Variants in KAZN observed in about 807,000 individuals in gnomAD.
KAZN encodes kazrin, periplakin interacting protein.
Under a neutral mutation model 87.4 loss-of-function variants are expected in KAZN, and 40 were observed. The ratio of observed to expected loss-of-function variants is 0.46; its 90% CI spans 0.36 to 0.60. The LOEUF (loss-of-function observed/expected upper bound fraction) is 0.60. Among genes scored for constraint, KAZN ranks in the 20% least tolerant of loss-of-function variants. KAZN has a pLI of 0.00. For synonymous variants in KAZN, 466 were observed against 458.3 expected, an observed-to-expected ratio of 1.02 and a Z score of -0.22; for missense variants, 898 against 1,073.9, an observed-to-expected ratio of 0.84 and a Z score of 2.29.
chr1:14,961,112 G>A (rs776982017), intron 2 of KAZN, among the ~76,000 whole-genome samples: 1 of 152,228 alleles, frequency 6.6e-6, no homozygotes, highest in African/African-American at 2.4e-5. Context: ...TGGATGTGAG[G>A]TGTCTCCTTC....
chr1:14,881,525 C>CA (rs146437602), intron 1 of KAZN, among the ~76,000 whole-genome samples: 395 of 152,332 alleles, frequency 2.6e-3, no homozygotes, highest in African/African-American at 8.2e-3. Context: ...TCTTCATCCG[C>CA]AAGTGTTTAT....
intron 1 of KAZN, among the ~76,000 whole-genome samples, chr1:14,615,811 G>A (rs1218521520): frequency 6.6e-6 from 1 of 152,214 alleles, no homozygotes; most frequent in Non-Finnish European, 1.5e-5. Context: ...GAGGGCATTT[G>A]GCATTTGGTA....
At chr1:14,870,318 C>T (rs1651997429) in intron 1 of KAZN, among the ~76,000 whole-genome samples, 1 of 152,184 alleles carries the variant, frequency 6.6e-6, no homozygotes, top group South Asian at 2.1e-4. Context: ...ACTTCTCTGG[C>T]CCTGTTTCCT....
At chr1:14,365,798 C>T (rs2100997041) in intron 2 of KAZN, among the ~76,000 whole-genome samples, 1 of 152,340 alleles carries the variant, frequency 6.6e-6, no homozygotes, top group South Asian at 2.1e-4. Context: ...TCTAGACTAA[C>T]TCAAAACAAA....
intron 2 of KAZN, among the ~76,000 whole-genome samples, chr1:14,309,906 A>G (rs111935387): frequency 0.027 from 4,043 of 152,192 alleles, 75 homozygotes; most frequent in East Asian, 0.097. Flanking sequence ...CTGCAGGGAC[A>G]CAAGTCAAGT....
At chr1:14,408,664 C>T (rs115664752) in intron 2 of KAZN, among the ~76,000 whole-genome samples, 549 of 152,212 alleles carry the variant, frequency 3.6e-3, no homozygotes, top group African/African-American at 0.012. Flanking sequence ...CAAGGCCTCA[C>T]CTGTATTAAC....
intron 1 of KAZN, among the ~76,000 whole-genome samples, chr1:14,898,545 G>A (rs1220231748): frequency 6.6e-6 from 1 of 152,166 alleles, no homozygotes; most frequent in African/African-American, 2.4e-5. Flanking sequence ...AGAAAGCAAA[G>A]GGGGCCTTGG....
chr1:14,590,489 C>T (rs1175614338), intron 2 of KAZN, among the ~76,000 whole-genome samples: 1 of 152,180 alleles, frequency 6.6e-6, no homozygotes, highest in Non-Finnish European at 1.5e-5. Context: ...ATTGGGCACA[C>T]CTAGGTGTGA....
chr1:13,904,588 AG>A (rs2100848285), intron 1 of KAZN, among the ~76,000 whole-genome samples: 1 of 152,324 alleles, frequency 6.6e-6, no homozygotes, highest in South Asian at 2.1e-4. Flanking sequence ...CATTTTGGAA[AG>A]GATGTTCCTC....
intron 1 of KAZN, among the ~76,000 whole-genome samples, chr1:14,816,022 G>A (rs1399294832): frequency 6.6e-6 from 1 of 152,146 alleles, no homozygotes; most frequent in African/African-American, 2.4e-5. Context: ...ACCTTAGCAA[G>A]GCTGACATTG....
intron 1 of KAZN, among the ~76,000 whole-genome samples, chr1:14,077,189 G>A (rs963115078): frequency 2.2e-4 from 33 of 152,126 alleles, no homozygotes; most frequent in African/African-American, 7.7e-4. Flanking sequence ...TGTGGACTTC[G>A]TTCTTGACAG....
intron 2 of KAZN, among the ~76,000 whole-genome samples, chr1:14,502,883 T>C (rs1267304702): frequency 1.3e-5 from 2 of 152,094 alleles, no homozygotes; most frequent in Non-Finnish European, 2.9e-5. Flanking sequence ...TCAGAGAGAG[T>C]TGCTCAATGA....
At chr1:15,102,874 C>G (rs72873812) in intron 11 of KAZN, among the ~76,000 whole-genome samples, 1 of 152,174 alleles carries the variant, frequency 6.6e-6, no homozygotes, top group Non-Finnish European at 1.5e-5. Flanking sequence ...CATGCCACGC[C>G]GAGGACAGGG....
intron 1 of KAZN, among the ~76,000 whole-genome samples, chr1:14,907,150 C>A (rs1001724889): frequency 7.9e-5 from 12 of 152,004 alleles, no homozygotes; most frequent in Admixed American, 1.3e-4. Context: ...AATCCCAGCA[C>A]TTTGGGAGGC....
At chr1:14,077,503 G>T (rs899568950) in intron 1 of KAZN, among the ~76,000 whole-genome samples, 6 of 152,208 alleles carry the variant, frequency 3.9e-5, no homozygotes, top group African/African-American at 1.4e-4. Flanking sequence ...CGCAGCAGCA[G>T]CAGTTAAACT....
chr1:14,590,673 A>G (rs1198666149), intron 2 of KAZN, among the ~76,000 whole-genome samples: 1 of 152,182 alleles, frequency 6.6e-6, no homozygotes, highest in Non-Finnish European at 1.5e-5. Flanking sequence ...TACCATCACA[A>G]CTATTACAGC....
chr1:14,379,259 C>T (rs1661169205), intron 2 of KAZN, among the ~76,000 whole-genome samples: 1 of 151,778 alleles, frequency 6.6e-6, no homozygotes, highest in Non-Finnish European at 1.5e-5. Flanking sequence ...ACACCATGGT[C>T]CTTGGGTGAG....
At chr1:15,025,946 C>T (rs879511719) in intron 2 of KAZN, among the ~76,000 whole-genome samples, 2 of 152,118 alleles carry the variant, frequency 1.3e-5, no homozygotes, top group East Asian at 1.9e-4. Context: ...CCTGATGTGA[C>T]GAGAACCTGA....
chr1:14,400,534 A>T (rs1663312440), intron 2 of KAZN, among the ~76,000 whole-genome samples: 1 of 152,116 alleles, frequency 6.6e-6, no homozygotes, highest in Non-Finnish European at 1.5e-5. Context: ...CCCAGCATCC[A>T]CTCAGCAGCC....
Sources: gnomAD v4.1 joint callset for allele counts (sites outside exome capture counted in the v4.1 genomes callset) on GRCh38, gnomAD v4.1.1 for gene constraint, MANE v1.5 for transcripts, NCBI Gene and HGNC (gene_info 2026-07-23, HGNC 2026-07-21) for gene names.